Variants in ESRRG observed in about 807,000 individuals in gnomAD.
The protein encoded by ESRRG is estrogen related receptor gamma.
Under a neutral mutation model 44.0 loss-of-function variants are expected in ESRRG, and 13 were observed. The ratio of observed to expected loss-of-function variants is 0.30; its 90% CI spans 0.19 to 0.47. The LOEUF is 0.47. Among genes scored for constraint, ESRRG ranks in the 20% least tolerant of loss-of-function variants. The pLI is 1.00. For synonymous variants in ESRRG, 215 were observed against 214.6 expected (o/e 1.00, Z -0.02); for missense variants, 395 against 580.6 (o/e 0.68, Z 3.29).
chr1:217,086,080 A>T (rs1481373956), intron 1 of ESRRG, among the ~76,000 whole-genome samples: 1 of 152,218 alleles, frequency 6.6e-6, no homozygotes, highest in Non-Finnish European at 1.5e-5. Flanking sequence ...TAAAAATCAC[A>T]ATATTATGAA....
At chr1:216,715,581 A>T (rs538697228) in intron 1 of ESRRG, among the ~76,000 whole-genome samples, 1 of 152,258 alleles carries the variant, frequency 6.6e-6, no homozygotes, top group South Asian at 2.1e-4. Context: ...CAATCAATTG[A>T]ACAACCTCAC....
At chr1:216,727,052 C>T (rs2087674208), upstream of ESRRG, among the ~76,000 whole-genome samples, 2 of 152,104 alleles carry the variant, frequency 1.3e-5, no homozygotes, top group Non-Finnish European at 1.5e-5. Flanking sequence ...TTTTTAGCTC[C>T]TATCTTTCTT....
chr1:216,554,316 T>A (rs2057053987), intron 5 of ESRRG, among the ~76,000 whole-genome samples: 1 of 151,978 alleles, frequency 6.6e-6, no homozygotes, highest in African/African-American at 2.4e-5. Context: ...TAGCCGGACT[T>A]GGTGGCATGC....
chr1:216,591,063 G>A (rs1409434058), intron 3 of ESRRG, among the ~76,000 whole-genome samples: 3 of 152,156 alleles, frequency 2.0e-5, no homozygotes, highest in African/African-American at 7.2e-5. Context: ...AGGGTGAGGA[G>A]AACCTCTTTT....
chr1:216,716,379 AT>A (rs1287964144), intron 1 of ESRRG, among the ~76,000 whole-genome samples: 5 of 152,052 alleles, frequency 3.3e-5, no homozygotes, highest in Non-Finnish European at 5.9e-5. Flanking sequence ...TCAATCTGAT[AT>A]GAGAATTTAT....
intron 1 of ESRRG, among the ~76,000 whole-genome samples, chr1:217,042,110 C>T (rs948818486): frequency 5.3e-5 from 8 of 152,112 alleles, no homozygotes; most frequent in African/African-American, 1.2e-4. Context: ...ACCATAGATA[C>T]GTATTTCTGC....
chr1:216,963,610 G>T (rs1184476219), intron 1 of ESRRG, among the ~76,000 whole-genome samples: 1 of 152,118 alleles, frequency 6.6e-6, no homozygotes, highest in Non-Finnish European at 1.5e-5. Flanking sequence ...TTTTAAAAAT[G>T]AGCCACCAAT....
At chr1:217,016,115 G>A (rs2079342986) in intron 1 of ESRRG, among the ~76,000 whole-genome samples, 2 of 152,022 alleles carry the variant, frequency 1.3e-5, no homozygotes, top group Admixed American at 6.6e-5. Flanking sequence ...AAATAAAAGA[G>A]GTTAGGAAAA....
In ESRRG at chr1:216,504,315, C is replaced by T. The variant is rs532188936; in HGVS notation, c.*2624G>A. On this transcript the variant is annotated 3_prime_UTR_variant, in exon 7 of 7. Transcript: ENST00000408911. ...TATATAAATAATCTTATAGAATCAGCACCTTTTTTCCCAGGAGTTGTATTT... is the reference window on the plus strand; with the variant it reads ...TATATAAATAATCTTATAGAATCAGTACCTTTTTTCCCAGGAGTTGTATTT... 2.6e-5 allele frequency: 4 copies of T among 152,412 alleles called. No individual in the cohort carries two copies. Among genetic ancestry groups the T allele is most frequent in the African/African-American group, 9.6e-5 (4 of 41,538 alleles). 9.4% of individuals were successfully genotyped at this position (152,412 alleles called of 1,614,324 possible). A position where few individuals can be genotyped will look rare whatever the true frequency, so the allele number is the denominator to read the frequency against.
intron 3 of ESRRG, among the ~76,000 whole-genome samples, chr1:216,572,146 G>A (rs1356133228): frequency 6.6e-6 from 1 of 152,032 alleles, no homozygotes; most frequent in Non-Finnish European, 1.5e-5. Context: ...CTTATTATTG[G>A]TATTATTTGG....
In ESRRG at chr1:216,515,828, A is replaced by G. The variant is rs571363769; in HGVS notation, c.1132+3324T>C. 2.7e-3 allele frequency among the ~76,000 whole-genome samples: 410 copies of G among 152,192 alleles called. 3 individuals are homozygous for G. The highest frequency in any genetic ancestry group is 9.1e-3 in the African/African-American group (380 of 41,546). On this transcript the variant is annotated intron_variant, in intron 6 of 6. Transcript: ENST00000408911. ...AGACTAAAGTGATTCATTAGCTTAA[A>G]CTGCTTTTAATCTTATAGTATATAA...
chr1:217,024,124 C>T (rs2080801099), intron 1 of ESRRG, among the ~76,000 whole-genome samples: 1 of 152,082 alleles, frequency 6.6e-6, no homozygotes, highest in African/African-American at 2.4e-5. Context: ...TTTGGGAAGC[C>T]CAGGTGGGCG....
chr1:216,837,253 C>CA (rs1396346346), intron 2 of ESRRG, among the ~76,000 whole-genome samples: 1 of 151,132 alleles, frequency 6.6e-6, no homozygotes, highest in Admixed American at 6.6e-5. Context: ...ACTAAAAATA[C>CA]AAAAAAAATT....
chr1:216,877,390 TTTGTTTG>T (rs2096373653), intron 2 of ESRRG, among the ~76,000 whole-genome samples: 2 of 28,368 alleles, frequency 7.1e-5, no homozygotes, highest in African/African-American at 1.3e-4. Flanking sequence ...TTTTTTTTTG[TTTGTTTG>T]TTTGTTTGTT....
At chr1:216,750,477 A>G (rs915864806) in intron 2 of ESRRG, among the ~76,000 whole-genome samples, 1 of 152,120 alleles carries the variant, frequency 6.6e-6, no homozygotes, top group African/African-American at 2.4e-5. Context: ...GGCTTTTCTG[A>G]TTATGAATGG....
intron 3 of ESRRG, among the ~76,000 whole-genome samples, chr1:216,628,646 T>TA (rs1398838261): frequency 6.6e-6 from 1 of 152,214 alleles, no homozygotes; most frequent in African/African-American, 2.4e-5. Context: ...AGTCTAGGCA[T>TA]ACCCTACCCT....
chr1:217,097,884 G>A (rs1379356738), intron 1 of ESRRG, among the ~76,000 whole-genome samples: 1 of 146,928 alleles, frequency 6.8e-6, no homozygotes. Flanking sequence ...ATTAGTTTAT[G>A]ACCATGGTTC....
Position 216,686,312 on chromosome 1 carries a change from C to T in ESRRG, c.57-8821G>A, listed in dbSNP as rs1048646601. The T allele has an allele frequency of 3.3e-5, 5 of 151,370 alleles. No individual in the cohort carries two copies. The East Asian group carries it at 7.8e-4, about 24-fold the overall frequency. The allele number at this position is 151,370 out of a possible 1,614,324, so 9.4% of individuals were successfully genotyped here. On this transcript the variant is annotated intron_variant, in intron 1 of 6. Coordinates refer to ENST00000408911, the MANE Select transcript of ESRRG (RefSeq NM_001438.4). Reference sequence around the variant, plus strand: ...CATCAAGCTAGTTACTTGAAGAGAACGTAAAGCTAAAATACACAAGCCACT... The same window carrying T: ...CATCAAGCTAGTTACTTGAAGAGAATGTAAAGCTAAAATACACAAGCCACT...
intron 2 of ESRRG, among the ~76,000 whole-genome samples, chr1:216,797,253 A>G (rs929390831): frequency 3.9e-5 from 6 of 152,162 alleles, no homozygotes; most frequent in African/African-American, 1.4e-4. Context: ...TAATATTGAT[A>G]CATTATTATT....
Sources: allele counts gnomAD v4.1 joint callset (sites outside exome capture counted in the v4.1 genomes callset), GRCh38; gene constraint gnomAD v4.1.1; transcripts MANE v1.5; gene names NCBI Gene and HGNC (gene_info 2026-07-23, HGNC 2026-07-21).